The following RAD51B variants were observed in gnomAD, a reference collection of about 807,000 sequenced individuals.
RAD51B encodes the protein DNA repair protein RAD51 homolog 2.
Under a neutral mutation model 42.2 loss-of-function variants are expected in RAD51B, and 38 were observed. The ratio of observed to expected loss-of-function variants is 0.90; its 90% CI spans 0.70 to 1.18. RAD51B has a LOEUF of 1.18. Among genes scored for constraint, RAD51B ranks in the 50% most tolerant of loss-of-function variants. RAD51B has a pLI of 0.00. For synonymous variants in RAD51B, 154 were observed against 145.2 expected (o/e 1.06, Z -0.43); for missense variants, 373 against 400.7 (o/e 0.93, Z 0.59).
intron 8 of RAD51B, among the ~76,000 whole-genome samples, chr14:68,307,648 C>T (rs753513541): frequency 3.1e-4 from 47 of 152,272 alleles, no homozygotes; most frequent in Admixed American, 1.1e-3. Flanking sequence ...AACAACTGCT[C>T]CAAAATCTGA....
intron 10 of RAD51B, among the ~76,000 whole-genome samples, chr14:68,587,907 T>G (rs116128607): frequency 6.6e-6 from 1 of 152,176 alleles, no homozygotes; most frequent in Non-Finnish European, 1.5e-5. Flanking sequence ...ATGGCAGACA[T>G]GGTGCATTTA....
intron 5 of RAD51B, among the ~76,000 whole-genome samples, chr14:67,869,783 A>C (rs960203398): frequency 6.6e-6 from 1 of 152,250 alleles, no homozygotes; most frequent in African/African-American, 2.4e-5. Flanking sequence ...GCCAACATTC[A>C]ACATTCTTAA....
At chr14:68,186,749 T>G (rs2079165280) in intron 7 of RAD51B, among the ~76,000 whole-genome samples, 1 of 152,164 alleles carries the variant, frequency 6.6e-6, no homozygotes, top group African/African-American at 2.4e-5. Context: ...AAGGAATGCA[T>G]GTACACTGTT....
intron 8 of RAD51B, among the ~76,000 whole-genome samples, chr14:68,363,180 G>A (rs779423167): frequency 9.2e-5 from 14 of 152,152 alleles, no homozygotes; most frequent in Non-Finnish European, 1.8e-4. Context: ...TTTTCATACC[G>A]CTTTGCTTAC....
At chr14:67,847,242 C>T (rs1487891514) in intron 4 of RAD51B, among the ~76,000 whole-genome samples, 34 of 151,848 alleles carry the variant, frequency 2.2e-4, no homozygotes, top group African/African-American at 7.5e-4. Flanking sequence ...CTCCTGGCTG[C>T]GTCTAGTTGG....
intron 8 of RAD51B, among the ~76,000 whole-genome samples, chr14:68,409,734 A>G (rs983850383): frequency 6.6e-6 from 1 of 152,256 alleles, no homozygotes; most frequent in African/African-American, 2.4e-5. Context: ...CAAAGTGCTC[A>G]GAGTGCATTG....
At chr14:68,147,885 A>G (rs1473507647) in intron 7 of RAD51B, among the ~76,000 whole-genome samples, 1 of 152,090 alleles carries the variant, frequency 6.6e-6, no homozygotes, top group Non-Finnish European at 1.5e-5. Flanking sequence ...ATGTTTTAAC[A>G]TATTTACATA....
At chr14:68,313,497 G>A (rs898732274) in intron 8 of RAD51B, among the ~76,000 whole-genome samples, 6 of 152,142 alleles carry the variant, frequency 3.9e-5, no homozygotes, top group African/African-American at 1.4e-4. Flanking sequence ...CTGAGTCGGG[G>A]GATGGCTTCC....
rs113667680 is a variant in RAD51B at position 67,856,358 on chromosome 14, C to CT, written c.316-8634dup. Among the ~76,000 whole-genome samples, 301 of 146,536 alleles carry CT rather than the reference C, an allele frequency of 2.1e-3. 1 individual carries two copies. The highest frequency in any genetic ancestry group is 6.2e-3 in the African/African-American group (249 of 39,906). Reference sequence around the variant, plus strand: ...AATGCAACCTGGCCTTTCTGAGATTCTTTTTTTTTTTCCTTTTTTATGGTT... The same window carrying CT: ...AATGCAACCTGGCCTTTCTGAGATTCTTTTTTTTTTTTCCTTTTTTATGGTT... On this transcript the variant is annotated intron_variant, in intron 4 of 10. Transcript: ENST00000471583.
At chr14:68,370,901 G>A (rs2139947954) in intron 8 of RAD51B, among the ~76,000 whole-genome samples, 1 of 151,700 alleles carries the variant, frequency 6.6e-6, no homozygotes, top group Non-Finnish European at 1.5e-5. Flanking sequence ...GCCGGACGTG[G>A]TGGCACACAC....
chr14:68,196,597 C>G (rs4427736), intron 7 of RAD51B, among the ~76,000 whole-genome samples: 4,303 of 152,140 alleles, frequency 0.028, 230 homozygotes, highest in African/African-American at 0.099. Context: ...ATTAGATCTC[C>G]CCTTATAATT....
At chr14:68,625,347 A>G (rs993792894) in intron 10 of RAD51B, among the ~76,000 whole-genome samples, 1 of 152,198 alleles carries the variant, frequency 6.6e-6, no homozygotes, top group Non-Finnish European at 1.5e-5. Flanking sequence ...GCCTCAAGCC[A>G]GGCCTGATTC....
At chr14:68,193,918 G>A (rs2079315104) in intron 7 of RAD51B, among the ~76,000 whole-genome samples, 1 of 152,124 alleles carries the variant, frequency 6.6e-6, no homozygotes. Context: ...CATTATACCA[G>A]CAGTAGTCTC....
At chr14:68,019,580 T>C (rs1435006800) in intron 7 of RAD51B, among the ~76,000 whole-genome samples, 1 of 152,082 alleles carries the variant, frequency 6.6e-6, no homozygotes, top group African/African-American at 2.4e-5. Flanking sequence ...AAAACCTGCA[T>C]GTATGGAGGG....
intron 4 of RAD51B, among the ~76,000 whole-genome samples, chr14:67,849,928 G>A (rs561964163): frequency 2.6e-5 from 4 of 152,250 alleles, no homozygotes; most frequent in African/African-American, 9.6e-5. Context: ...CTTTGGTGGT[G>A]TTACAAAAAT....
At chr14:68,557,002 C>A (rs1490435280) in intron 10 of RAD51B, among the ~76,000 whole-genome samples, 3 of 152,206 alleles carry the variant, frequency 2.0e-5, no homozygotes, top group African/African-American at 7.2e-5. Flanking sequence ...TTCCCCAGCC[C>A]TACCTAGCCT....
intron 7 of RAD51B, among the ~76,000 whole-genome samples, chr14:68,039,967 G>T (rs1175181911): frequency 6.6e-6 from 1 of 152,076 alleles, no homozygotes; most frequent in African/African-American, 2.4e-5. Flanking sequence ...TCCTTTCCTT[G>T]GGGGAATAAT....
chr14:67,956,328 A>C (rs964410839), intron 7 of RAD51B, among the ~76,000 whole-genome samples: 1 of 152,010 alleles, frequency 6.6e-6, no homozygotes, highest in African/African-American at 2.4e-5. Flanking sequence ...CCCTACTAAA[A>C]ATACAAAAAT....
At chr14:68,562,940 G>A in intron 10 of RAD51B, 2 of 985,434 alleles carry the variant, frequency 2.0e-6, no homozygotes, top group Non-Finnish European at 2.4e-6. Flanking sequence ...ACCATGTATT[G>A]CTACAAAGGA....
Sources: allele counts gnomAD v4.1 joint callset (sites outside exome capture counted in the v4.1 genomes callset), GRCh38; gene constraint gnomAD v4.1.1; transcripts MANE v1.5; gene names NCBI Gene and HGNC (gene_info 2026-07-23, HGNC 2026-07-21).